KLHL32: variants seen among roughly 807,000 people sequenced by gnomAD.
The protein encoded by KLHL32 is kelch-like protein 32.
In KLHL32, 35 loss-of-function variants were observed where a neutral mutation model predicts 64.8. The ratio of observed to expected loss-of-function variants is 0.54; its 90% CI spans 0.41 to 0.72. The LOEUF is 0.72. KLHL32 is among the 30% of genes least tolerant of loss of function. The pLI is 0.00. For synonymous variants in KLHL32, 259 were observed against 281.0 expected (o/e 0.92, Z 0.78); for missense variants, 589 against 768.5 (o/e 0.77, Z 2.76).
At position 96,967,102 on chromosome 6, in the gene KLHL32, GTCC is replaced by G; in HGVS notation, c.23+22_23+24del. On this transcript the variant is annotated intron_variant, in intron 2 of 10. Transcript: ENST00000369261. Reference sequence around the variant, plus strand: ...GCCTCAGGTATGCCCTGTAGGATATGTCCTCACATGCCGTAGTGAGCCCTGAAA... The same window carrying G: ...GCCTCAGGTATGCCCTGTAGGATATGTCACATGCCGTAGTGAGCCCTGAAA... 6.2e-7 allele frequency: 1 copy of G among 1,612,238 alleles called. No homozygotes were observed. Among genetic ancestry groups the G allele is most frequent in the African/African-American group, 1.3e-5 (1 of 74,998 alleles).
chr6:97,129,175 A>G (rs567577527), intron 8 of KLHL32, among the ~76,000 whole-genome samples: 1 of 152,332 alleles, frequency 6.6e-6, no homozygotes, highest in East Asian at 1.9e-4. Context: ...GAGCTAGTCT[A>G]TATGCCTATT....
the KLHL32 span, among the ~76,000 whole-genome samples, chr6:96,918,786 C>T: frequency 6.6e-6 from 1 of 152,066 alleles, no homozygotes; most frequent in Non-Finnish European, 1.5e-5. Context: ...TTTTAAAATA[C>T]CAATTCTGAT....
At chr6:97,111,243 C>T (rs1372890630) in intron 6 of KLHL32, among the ~76,000 whole-genome samples, 3 of 152,238 alleles carry the variant, frequency 2.0e-5, no homozygotes, top group Admixed American at 2.0e-4. Flanking sequence ...AGTGTTGCAT[C>T]CTGTCCCCTG....
At position 96,993,204 on chromosome 6, in the gene KLHL32, G is replaced by A. The variant is rs557519808; in HGVS notation, c.204+17027G>A. Among the ~76,000 whole-genome samples the A allele has an allele frequency of 3.9e-5, 6 of 152,296 alleles. No individual in the cohort carries two copies. The South Asian group carries it at 1.2e-3, about 32-fold the overall frequency. The stretch of plus-strand genomic sequence containing the variant: ...GCTTTTGCTGCATAACAAAGTACCC[G>A]AAAACCTAGAGGCTGAATTGTTCTG... On this transcript the variant is annotated intron_variant, in intron 3 of 10. Transcript: ENST00000369261.
rs772452010 is a variant in KLHL32, at chr6:97,132,650, T to G, written c.1607-3T>G. 1 of 1,600,632 alleles carries G rather than the reference T, an allele frequency of 6.2e-7. No homozygotes were observed. The highest frequency in any genetic ancestry group is 1.3e-5 in the African/African-American group (1 of 74,420). On this transcript the variant is annotated splice_polypyrimidine_tract_variant and splice_region_variant and intron_variant, in intron 9 of 10. Coordinates refer to ENST00000369261, the MANE Select transcript of KLHL32 (RefSeq NM_052904.4). Reference sequence around the variant, plus strand: ...TCTTTTTATTCAATTCTCTTTACTTTAGGCCAAAATGAATCTGGAGTTGCT... The same window carrying G: ...TCTTTTTATTCAATTCTCTTTACTTGAGGCCAAAATGAATCTGGAGTTGCT...
chr6:96,905,122 A>G, the KLHL32 span, among the ~76,000 whole-genome samples: 1 of 152,286 alleles, frequency 6.6e-6, no homozygotes, highest in African/African-American at 2.4e-5. Context: ...TTTAATCAAT[A>G]CAACAGTTGT....
At chr6:96,986,462 C>T (rs1265840116) in intron 3 of KLHL32, among the ~76,000 whole-genome samples, 1 of 152,210 alleles carries the variant, frequency 6.6e-6, no homozygotes. Flanking sequence ...TGTGCCCTGC[C>T]CCCAGAGGTG....
Position 96,984,351 on chromosome 6 carries a change from AT to A in KLHL32, c.204+8176del, listed in dbSNP as rs563986908. 9.1e-3 allele frequency among the ~76,000 whole-genome samples: 1,384 copies of A among 152,304 alleles called. 28 individuals carry two copies. Among genetic ancestry groups the A allele is most frequent in the African/African-American group, 0.032 (1,329 of 41,560 alleles). Reference sequence around the variant, plus strand: ...CAGTGTGGCACTGAGAAGAATGTATATTCTGTTGATTTGGGGTGGAGAGTTC... The same window carrying A: ...CAGTGTGGCACTGAGAAGAATGTATATCTGTTGATTTGGGGTGGAGAGTTC... On this transcript the variant is annotated intron_variant, in intron 3 of 10. Coordinates refer to ENST00000369261, the MANE Select transcript of KLHL32 (RefSeq NM_052904.4).
At chr6:97,034,812 A>C (rs1175844085) in intron 3 of KLHL32, among the ~76,000 whole-genome samples, 1 of 152,014 alleles carries the variant, frequency 6.6e-6, no homozygotes, top group African/African-American at 2.4e-5. Context: ...CTGTTTGTGT[A>C]CACAAATACC....
intron 3 of KLHL32, among the ~76,000 whole-genome samples, chr6:96,991,200 G>T (rs1393388375): frequency 6.6e-6 from 1 of 152,040 alleles, no homozygotes; most frequent in Admixed American, 6.5e-5. Context: ...ACTGGCGGTG[G>T]CAGAGGGTCT....
intron 1 of KLHL32, among the ~76,000 whole-genome samples, chr6:96,966,499 AT>A (rs544074750): frequency 6.6e-6 from 1 of 152,042 alleles, no homozygotes; most frequent in African/African-American, 2.4e-5. Flanking sequence ...TCTCTATGTT[AT>A]TTTTTCCACC....
At chr6:96,950,354 T>A (rs1772428058) in intron 1 of KLHL32, among the ~76,000 whole-genome samples, 1 of 152,152 alleles carries the variant, frequency 6.6e-6, no homozygotes, top group East Asian at 1.9e-4. Flanking sequence ...CCTGCCCCTA[T>A]AATTCATAGT....
intron 3 of KLHL32, among the ~76,000 whole-genome samples, chr6:97,002,457 C>G (rs1049779999): frequency 6.6e-6 from 1 of 152,060 alleles, no homozygotes; most frequent in Middle Eastern, 3.2e-3. Flanking sequence ...ATGAAGAACC[C>G]ATATTTTTGT....
intron 5 of KLHL32, among the ~76,000 whole-genome samples, chr6:97,084,903 T>C (rs1582972618): frequency 6.6e-6 from 1 of 152,184 alleles, no homozygotes; most frequent in African/African-American, 2.4e-5. Flanking sequence ...TTTAAATATA[T>C]GGGTTTTAAG....
At chr6:96,921,280 AAAC>A (rs1768746914), upstream of KLHL32, among the ~76,000 whole-genome samples, 1 of 152,234 alleles carries the variant, frequency 6.6e-6, no homozygotes, top group African/African-American at 2.4e-5. Context: ...ATTAGACTGA[AAAC>A]AACAACAGCA....
At position 97,076,842 on chromosome 6, in the gene KLHL32, A is replaced by G. The variant is rs142543804; in HGVS notation, c.412-8284A>G. On this transcript the variant is annotated intron_variant, in intron 5 of 10. Transcript: ENST00000369261. ...CGTACCTTTATTTAAATATTAAATAAATGTATTAATATTTAATAAATTATT... is the reference window on the plus strand; with the variant it reads ...CGTACCTTTATTTAAATATTAAATAGATGTATTAATATTTAATAAATTATT... Among the ~76,000 whole-genome samples, 574 of 151,992 alleles carry G rather than the reference A, an allele frequency of 3.8e-3. 1 individual carries two copies. The highest frequency in any genetic ancestry group is 0.013 in the African/African-American group (549 of 41,540).
chr6:96,976,752 C>T (rs989689019), intron 3 of KLHL32, among the ~76,000 whole-genome samples: 5 of 152,160 alleles, frequency 3.3e-5, no homozygotes, highest in Admixed American at 2.6e-4. Context: ...GGACATGCCA[C>T]CACACCTGGC....
At chr6:97,036,708 C>G (rs749538167) in intron 3 of KLHL32, among the ~76,000 whole-genome samples, 9 of 152,172 alleles carry the variant, frequency 5.9e-5, no homozygotes, top group Non-Finnish European at 1.0e-4. Context: ...ATGGGGGTGC[C>G]AGGTCCTGGT....
At chr6:97,089,747 T>C (rs754480535) in intron 6 of KLHL32, among the ~76,000 whole-genome samples, 7 of 146,480 alleles carry the variant, frequency 4.8e-5, no homozygotes, top group Non-Finnish European at 1.0e-4. Context: ...GCCACTACAC[T>C]CCAGCTGGGA....
Sources: gnomAD v4.1 joint callset for allele counts (sites outside exome capture counted in the v4.1 genomes callset) on GRCh38, gnomAD v4.1.1 for gene constraint, MANE v1.5 for transcripts, NCBI Gene and HGNC (gene_info 2026-07-23, HGNC 2026-07-21) for gene names.